The following UNC5D variants were observed in gnomAD, a reference collection of about 807,000 sequenced individuals.
UNC5D encodes unc-5 netrin receptor D.
In UNC5D, 39 loss-of-function variants were observed where a neutral mutation model predicts 105.4. That is an observed-to-expected ratio of 0.37 (90% CI 0.29 to 0.48). UNC5D has a LOEUF of 0.48. UNC5D is among the 20% of genes least tolerant of loss of function. UNC5D has a pLI of 0.98. For synonymous variants in UNC5D, 452 were observed against 450.4 expected, an observed-to-expected ratio of 1.00 and a Z score of -0.04; for missense variants, 991 against 1,202.4, an observed-to-expected ratio of 0.82 and a Z score of 2.60.
intron 8 of UNC5D, among the ~76,000 whole-genome samples, chr8:35,717,785 G>A (rs1484075649): frequency 6.6e-6 from 1 of 152,186 alleles, no homozygotes; most frequent in Non-Finnish European, 1.5e-5. Flanking sequence ...GTGGTTACTA[G>A]CTTCATCATA....
chr8:35,698,349 A>G (rs537626141), intron 7 of UNC5D, among the ~76,000 whole-genome samples: 9 of 151,862 alleles, frequency 5.9e-5, no homozygotes, highest in Admixed American at 4.6e-4. Flanking sequence ...ATTTCACATT[A>G]GATTTCTAGG....
At chr8:35,387,785 G>A (rs1246401888) in intron 1 of UNC5D, among the ~76,000 whole-genome samples, 1 of 152,156 alleles carries the variant, frequency 6.6e-6, no homozygotes, top group Non-Finnish European at 1.5e-5. Context: ...GAGAGACAGT[G>A]CCTGGGATCC....
chr8:35,490,704 C>A, intron 1 of UNC5D, among the ~76,000 whole-genome samples: 1 of 152,014 alleles, frequency 6.6e-6, no homozygotes, highest in Non-Finnish European at 1.5e-5. Context: ...TTAAATGTTT[C>A]TGGTGTTTCA....
chr8:35,442,885 TTCTCTCTC>T (rs150886923), intron 1 of UNC5D, among the ~76,000 whole-genome samples: 1 of 135,574 alleles, frequency 7.4e-6, no homozygotes, highest in South Asian at 2.4e-4. Context: ...CTCTCTCTGT[TTCTCTCTC>T]TCTCTCTCTC....
chr8:35,679,418 A>G (rs564101281), intron 4 of UNC5D, among the ~76,000 whole-genome samples: 1 of 152,242 alleles, frequency 6.6e-6, no homozygotes, highest in South Asian at 2.1e-4. Flanking sequence ...GGTACCACCT[A>G]TGGGAAAGTT....
At chr8:35,239,719 A>G (rs566344238) in intron 1 of UNC5D, among the ~76,000 whole-genome samples, 3 of 151,860 alleles carry the variant, frequency 2.0e-5, no homozygotes, top group South Asian at 4.2e-4. Context: ...CCAGGCTGTT[A>G]CTTGGCCAGC....
chr8:35,672,726 C>CTCTT (rs1279988455), intron 4 of UNC5D, among the ~76,000 whole-genome samples: 1 of 152,170 alleles, frequency 6.6e-6, no homozygotes, highest in Non-Finnish European at 1.5e-5. Flanking sequence ...ATTCTGCAAA[C>CTCTT]TCTTTACATT....
intron 1 of UNC5D, among the ~76,000 whole-genome samples, chr8:35,538,395 TTATA>T (rs10524805): frequency 0.043 from 3,495 of 81,506 alleles, 62 homozygotes; most frequent in East Asian, 0.093. Context: ...AAAAAAATAA[TTATA>T]TATATATATA....
chr8:35,753,351 C>T (rs765963552), intron 13 of UNC5D, among the ~76,000 whole-genome samples: 60 of 152,222 alleles, frequency 3.9e-4, no homozygotes, highest in Middle Eastern at 3.4e-3. Flanking sequence ...CCACTGCAAC[C>T]TCCACCTCCC....
At chr8:35,326,260 G>T (rs1810152197) in intron 1 of UNC5D, among the ~76,000 whole-genome samples, 1 of 152,184 alleles carries the variant, frequency 6.6e-6, no homozygotes, top group Non-Finnish European at 1.5e-5. Flanking sequence ...ACCTGATCCT[G>T]TGAATAAGAC....
intron 1 of UNC5D, among the ~76,000 whole-genome samples, chr8:35,422,480 C>A (rs1805981925): frequency 1.3e-5 from 2 of 152,178 alleles, no homozygotes; most frequent in Admixed American, 1.3e-4. Context: ...AGTAGGAGAC[C>A]ACTCATTGGA....
chr8:35,723,706 A>G (rs926689327), intron 9 of UNC5D, among the ~76,000 whole-genome samples: 2 of 152,306 alleles, frequency 1.3e-5, no homozygotes, highest in Non-Finnish European at 2.9e-5. Flanking sequence ...GGTCTGGTCA[A>G]GAACTGATTT....
chr8:35,500,354 C>T (rs1811883496), intron 1 of UNC5D, among the ~76,000 whole-genome samples: 4 of 152,174 alleles, frequency 2.6e-5, no homozygotes, highest in Admixed American at 2.0e-4. Context: ...AAGGAACCCA[C>T]TGTCCTGATA....
chr8:35,505,357 T>C (rs1291414845), intron 1 of UNC5D, among the ~76,000 whole-genome samples: 1 of 152,232 alleles, frequency 6.6e-6, no homozygotes, highest in Non-Finnish European at 1.5e-5. Flanking sequence ...TAGGTCTTAG[T>C]ACAATTGAAT....
chr8:35,438,840 GA>G (rs1807204621), intron 1 of UNC5D, among the ~76,000 whole-genome samples: 1 of 151,990 alleles, frequency 6.6e-6, no homozygotes, highest in Non-Finnish European at 1.5e-5. Context: ...ACATTTATCA[GA>G]GGCCCATTTA....
At chr8:35,422,166 G>A (rs768056766) in intron 1 of UNC5D, among the ~76,000 whole-genome samples, 5 of 152,138 alleles carry the variant, frequency 3.3e-5, no homozygotes, top group South Asian at 4.1e-4. Context: ...AGTTGTCACC[G>A]GTTGCAATAT....
intron 13 of UNC5D, among the ~76,000 whole-genome samples, chr8:35,753,001 G>A (rs1424117997): frequency 6.6e-6 from 1 of 152,286 alleles, no homozygotes; most frequent in East Asian, 1.9e-4. Flanking sequence ...CCCAGCTGAT[G>A]TATATAGCAG....
intron 1 of UNC5D, among the ~76,000 whole-genome samples, chr8:35,455,405 A>G (rs1472145469): frequency 6.6e-6 from 1 of 151,942 alleles, no homozygotes; most frequent in Non-Finnish European, 1.5e-5. Flanking sequence ...CAGCCTCCCA[A>G]GTAGCTGGGA....
intron 2 of UNC5D, among the ~76,000 whole-genome samples, chr8:35,558,718 C>G (rs1292136723): frequency 6.6e-6 from 1 of 152,126 alleles, no homozygotes; most frequent in African/African-American, 2.4e-5. Context: ...CGCAGTGGCT[C>G]ACGCCTGTAA....
Sources: gnomAD v4.1 joint callset for allele counts (sites outside exome capture counted in the v4.1 genomes callset) on GRCh38, gnomAD v4.1.1 for gene constraint, MANE v1.5 for transcripts, NCBI Gene and HGNC (gene_info 2026-07-23, HGNC 2026-07-21) for gene names.